The following STK35 variants were observed in gnomAD, a reference collection of about 807,000 sequenced individuals.
STK35 encodes the protein serine/threonine kinase 35.
Under a neutral mutation model 37.3 loss-of-function variants are expected in STK35, and 17 were observed. The observed-to-expected ratio is 0.46, with a 90% CI of 0.31 to 0.68. STK35 has a LOEUF of 0.68. STK35 is among the 30% of genes least tolerant of loss of function. STK35 has a pLI of 0.05. For missense variants in STK35, 595 were observed against 746.7 expected, an observed-to-expected ratio of 0.80 and a Z score of 2.37; for synonymous variants, 385 against 319.1, an observed-to-expected ratio of 1.21 and a Z score of -2.20.
At chr20:2,107,303 C>T (rs1171960843) in intron 2 of STK35, among the ~76,000 whole-genome samples, 2 of 152,228 alleles carry the variant, frequency 1.3e-5, no homozygotes, top group Non-Finnish European at 2.9e-5. Flanking sequence ...TCTCAAGACT[C>T]ATATAACAGA....
At position 2,147,251 on chromosome 20, in the gene STK35, C is replaced by G. The variant is rs1600628338; in HGVS notation, c.*3505C>G. 1 of 152,964 alleles carries G rather than the reference C, an allele frequency of 6.5e-6. No individual in the cohort carries two copies. 9.5% of individuals were successfully genotyped at this position (152,964 alleles called of 1,614,324 possible). On this transcript the variant is annotated 3_prime_UTR_variant, in exon 4 of 4. Coordinates refer to ENST00000381482, the MANE Select transcript of STK35 (RefSeq NM_080836.4). The stretch of plus-strand genomic sequence containing the variant: ...GTGCTAGGACCACTCCCCGCCTTCC[C>G]TACGGCCTCCTCGCCCTGCACATTC...
At chr20:2,105,899 A>G (rs1568573309) in intron 2 of STK35, among the ~76,000 whole-genome samples, 1 of 152,214 alleles carries the variant, frequency 6.6e-6, no homozygotes, top group Non-Finnish European at 1.5e-5. Context: ...GGGACCTAGA[A>G]AAATGAAATC....
At position 2,102,080 on chromosome 20, in the gene STK35, C is replaced by G. The variant is rs896147663; in HGVS notation, c.199C>G (p.Arg67Gly). ...RARAATSRAARSRRQPGPGAD... is the reference protein window; with the variant it reads ...RARAATSRAAGSRRQPGPGAD... ...TCGGGCCGCCACCTCCCGCGCTGCT[C>G]GGTCCCGGAGGCAGCCCGGGCCCGG... Residue 67 changes from arginine to glycine, a missense_variant, in exon 1 of 4, where the codon CGG becomes GGG. By Grantham distance (125) the Arg-to-Gly change is moderately radical. Coordinates refer to ENST00000381482, the MANE Select transcript of STK35 (RefSeq NM_080836.4). 40 of 1,516,252 alleles carry G rather than the reference C, an allele frequency of 2.6e-5. No individual in the cohort carries two copies. Among genetic ancestry groups the G allele is most frequent in the Non-Finnish European group, 3.3e-5 (38 of 1,135,520 alleles). 93.9% of individuals were successfully genotyped at this position (1,516,252 alleles called of 1,614,324 possible).
Position 2,102,801 on chromosome 20 carries a change from AG to A in STK35, c.331del (p.Ala111ProfsTer54). Reference sequence around the variant, plus strand: ...CCAAGGTCCGGCTCCTCCGCGTCCCAGGGCCGGACGGAGGGATGAGGCAGGG... The same window carrying A: ...CCAAGGTCCGGCTCCTCCGCGTCCCAGGCCGGACGGAGGGATGAGGCAGGG... ...TIQGPAPPRP[R>X]AGRRDEAGGA... On this transcript the variant is annotated frameshift_variant, in exon 2 of 4. Coordinates refer to ENST00000381482, the MANE Select transcript of STK35 (RefSeq NM_080836.4). LOFTEE classifies it high-confidence loss of function. 1 of 1,499,862 alleles carries A rather than the reference AG, an allele frequency of 6.7e-7. No individual in the cohort carries two copies. The allele number at this position is 1,499,862 out of a possible 1,614,324, so 92.9% of individuals were successfully genotyped here.
chr20:2,116,333 C>T (rs905440513), intron 2 of STK35, among the ~76,000 whole-genome samples: 1 of 152,198 alleles, frequency 6.6e-6, no homozygotes, highest in African/African-American at 2.4e-5. Flanking sequence ...TGCATGCTTT[C>T]CCTTGTCCCA....
intron 2 of STK35, among the ~76,000 whole-genome samples, chr20:2,115,122 T>C (rs968399734): frequency 6.6e-6 from 1 of 152,212 alleles, no homozygotes; most frequent in Admixed American, 6.5e-5. Flanking sequence ...GTGAGTAATA[T>C]AAGCAAATAA....
In STK35 at chr20:2,147,648, G is replaced by GC. The variant is rs887048468; in HGVS notation, c.*3906dup. ...CTCCCACTTTCCATCCTGCCCATAC[G>GC]CCCCTCTTCCCCCGACATCTGGGGG... On this transcript the variant is annotated 3_prime_UTR_variant, in exon 4 of 4. Transcript: ENST00000381482. The GC allele has an allele frequency of 2.0e-5, 3 of 152,402 alleles. No homozygotes were observed. Among genetic ancestry groups the GC allele is most frequent in the Non-Finnish European group, 2.9e-5 (2 of 68,352 alleles). The allele number at this position is 152,402 out of a possible 1,614,324, so 9.4% of individuals were successfully genotyped here. A position where few individuals can be genotyped will look rare whatever the true frequency, so the allele number is the denominator to read the frequency against.
intron 3 of STK35, among the ~76,000 whole-genome samples, chr20:2,139,440 G>A (rs186637337): frequency 2.6e-5 from 4 of 152,304 alleles, no homozygotes; most frequent in Admixed American, 1.3e-4. Context: ...TATAAATGAA[G>A]GGATTAGATG....
At chr20:2,112,232 T>G (rs1303032329) in intron 2 of STK35, among the ~76,000 whole-genome samples, 21 of 152,348 alleles carry the variant, frequency 1.4e-4, no homozygotes, top group Admixed American at 3.9e-4. Flanking sequence ...TGGCTTGTCT[T>G]TATGCTGAGC....
In STK35 at chr20:2,148,029, C is replaced by T. The variant is rs1057008408; in HGVS notation, c.*4283C>T. ...GCATTGAATTGGCCAGTGTTAGCAT[C>T]TACAGCCATCACCGAGATGAGTCCA... On this transcript the variant is annotated 3_prime_UTR_variant, in exon 4 of 4. Transcript: ENST00000381482. The T allele has an allele frequency of 6.8e-6, 1 of 147,516 alleles. No individual in the cohort carries two copies. The highest frequency in any genetic ancestry group is 2.5e-5 in the African/African-American group (1 of 40,624). 9.1% of individuals were successfully genotyped at this position (147,516 alleles called of 1,614,324 possible).
intron 3 of STK35, among the ~76,000 whole-genome samples, chr20:2,142,399 G>GA (rs1482566063): frequency 7.0e-4 from 107 of 152,324 alleles, no homozygotes; most frequent in Non-Finnish European, 1.1e-3. Flanking sequence ...GGTGTTGTCA[G>GA]CCCGCACAGG....
At chr20:2,111,364 T>C (rs897535608) in intron 2 of STK35, among the ~76,000 whole-genome samples, 1 of 152,186 alleles carries the variant, frequency 6.6e-6, no homozygotes, top group Non-Finnish European at 1.5e-5. Context: ...TGCCTTAAAA[T>C]TGGTGACTTG....
chr20:2,106,901 CTG>C (rs909879501), intron 2 of STK35, among the ~76,000 whole-genome samples: 3 of 152,192 alleles, frequency 2.0e-5, no homozygotes, highest in African/African-American at 7.2e-5. Flanking sequence ...AGGAAGGAAA[CTG>C]AAGCCCAGAA....
At chr20:2,119,307 A>C (rs1013465562) in intron 3 of STK35, among the ~76,000 whole-genome samples, 1 of 152,184 alleles carries the variant, frequency 6.6e-6, no homozygotes, top group Non-Finnish European at 1.5e-5. Flanking sequence ...AGATAGACCA[A>C]CCTCTGCGAA....
rs202127367 is a variant in STK35, at chr20:2,113,689, G to GAC, written c.893-2976_893-2975dup. 1.4e-4 allele frequency among the ~76,000 whole-genome samples: 21 copies of GAC among 152,336 alleles called. No individual in the cohort carries two copies. The East Asian group carries it at 3.5e-3, about 25-fold the overall frequency. ...CAGCACTGGGATTATTGAAATCGGT[G>GAC]ACTTCCAAGGATTTGGTTGGGGTTG... On this transcript the variant is annotated intron_variant, in intron 2 of 3. Coordinates refer to ENST00000381482, the MANE Select transcript of STK35 (RefSeq NM_080836.4).
Position 2,103,020 on chromosome 20 carries a change from G to T in STK35, c.547G>T (p.Glu183Ter). The part of the protein sequence containing the change: ...MDPVAAEAPG[E>*]AFLARRRPEG... ...TCCGGTGGCGGCCGAGGCCCCGGGC[G>T]AGGCCTTCCTGGCGCGGCGACGGCC... The change falls in exon 2 of 4, where the codon GAG becomes TAG. Residue 183 changes from glutamate (E) to a stop codon, truncating the protein, a stop_gained. Transcript: ENST00000381482. LOFTEE classifies it high-confidence loss of function. The T allele has an allele frequency of 6.9e-7, 1 of 1,452,252 alleles. No individual in the cohort carries two copies. Among genetic ancestry groups the T allele is most frequent in the Non-Finnish European group, 9.0e-7 (1 of 1,113,312 alleles). The allele number at this position is 1,452,252 out of a possible 1,614,324, so 90.0% of individuals were successfully genotyped here. A position where few individuals can be genotyped will look rare whatever the true frequency, so the allele number is the denominator to read the frequency against.
At chr20:2,102,692 G>T (rs1985419252) in intron 1 of STK35, 76 bp from the exon 2 acceptor site, 1 of 1,269,826 alleles carries the variant, frequency 7.9e-7, no homozygotes. Flanking sequence ...GGGAGGAGGA[G>T]GTGGGACGCC....
chr20:2,143,166 G>A (rs552494548), intron 3 of STK35, among the ~76,000 whole-genome samples: 5 of 152,276 alleles, frequency 3.3e-5, no homozygotes, highest in African/African-American at 7.2e-5. Context: ...CAGAGCCCTC[G>A]TTCTTAACCC....
At chr20:2,143,753 GTCCCC>G (rs1568583934) in intron 3 of STK35, 26 bp from the exon 4 acceptor site, 1 of 361,880 alleles carries the variant, frequency 2.8e-6, no homozygotes, top group East Asian at 8.9e-5. Flanking sequence ...GCTGACCAAT[GTCCCC>G]TCCTTACCCG....
Sources: gnomAD v4.1 joint callset for allele counts (sites outside exome capture counted in the v4.1 genomes callset) on GRCh38, gnomAD v4.1.1 for gene constraint, MANE v1.5 for transcripts, NCBI Gene and HGNC (gene_info 2026-07-23, HGNC 2026-07-21) for gene names.